Variants in PRKN observed in about 807,000 individuals in gnomAD.
PRKN encodes parkin RBR E3 ubiquitin protein ligase.
Under a neutral mutation model 59.5 loss-of-function variants are expected in PRKN, and 56 were observed. The ratio of observed to expected loss-of-function variants is 0.94; its 90% CI spans 0.76 to 1.18. The LOEUF is 1.18. PRKN is among the 50% of genes most tolerant of loss of function. The pLI, the probability that PRKN is intolerant of heterozygous loss-of-function variation, is 0.00. For missense variants in PRKN, 657 were observed against 596.4 expected, an observed-to-expected ratio of 1.10 and a Z score of -1.06; for synonymous variants, 250 against 222.1, an observed-to-expected ratio of 1.13 and a Z score of -1.12.
intron 1 of PRKN, among the ~76,000 whole-genome samples, chr6:162,597,738 G>A (rs1295901144): frequency 1.3e-5 from 2 of 152,090 alleles, no homozygotes; most frequent in African/African-American, 2.4e-5. Flanking sequence ...TCAGTAATAT[G>A]TGGCAATGTT....
chr6:161,507,548 T>C (rs1016606172), intron 9 of PRKN, among the ~76,000 whole-genome samples: 2 of 152,134 alleles, frequency 1.3e-5, no homozygotes, highest in Non-Finnish European at 2.9e-5. Flanking sequence ...GTCAGGGAAG[T>C]TCCAGACAGC....
chr6:161,639,310 G>A (rs565886526), intron 7 of PRKN, among the ~76,000 whole-genome samples: 75 of 152,302 alleles, frequency 4.9e-4, no homozygotes, highest in Middle Eastern at 3.4e-3. Context: ...GACCATTGGG[G>A]ATCAGTCCAA....
intron 7 of PRKN, among the ~76,000 whole-genome samples, chr6:161,571,046 T>C (rs1209602215): frequency 6.6e-6 from 1 of 152,136 alleles, no homozygotes; most frequent in Non-Finnish European, 1.5e-5. Context: ...ACCCTCTTGC[T>C]TCAGCTTCCT....
intron 6 of PRKN, among the ~76,000 whole-genome samples, chr6:161,802,575 C>T (rs895214285): frequency 2.6e-5 from 4 of 152,268 alleles, no homozygotes; most frequent in East Asian, 1.9e-4. Flanking sequence ...CCAATGGTCA[C>T]GTGGCTCACA....
intron 1 of PRKN, among the ~76,000 whole-genome samples, chr6:162,546,695 C>T (rs913182804): frequency 2.0e-4 from 30 of 152,228 alleles, no homozygotes; most frequent in Admixed American, 3.9e-4. Flanking sequence ...CCACCCTCCT[C>T]GGCCTCCCAA....
chr6:161,897,920 T>C (rs1378170664), intron 6 of PRKN, among the ~76,000 whole-genome samples: 2 of 119,654 alleles, frequency 1.7e-5, no homozygotes, highest in East Asian at 2.6e-4. Flanking sequence ...TGAGCTGAGA[T>C]CGCGCCACTG....
chr6:161,886,810 T>G (rs9355367), intron 6 of PRKN, among the ~76,000 whole-genome samples: 1 of 151,300 alleles, frequency 6.6e-6, no homozygotes, highest in East Asian at 1.9e-4. Context: ...CTCTTTTGAG[T>G]TTTTCTTGTT....
chr6:161,776,318 T>C lies in PRKN; in HGVS notation c.871+9454A>G, dbSNP rs545420240. Among the ~76,000 whole-genome samples, 14 of 152,248 alleles carry C rather than the reference T, an allele frequency of 9.2e-5. No homozygotes were observed. The South Asian group carries it at 1.0e-3, about 11-fold the overall frequency. On this transcript the variant is annotated intron_variant, in intron 7 of 11. Transcript: ENST00000366898. Reference sequence around the variant, plus strand: ...ACTAGTAATAGCTGGCAGCAAACCTTTCAGGATAATTAAAAAGATTTTACC... The same window carrying C: ...ACTAGTAATAGCTGGCAGCAAACCTCTCAGGATAATTAAAAAGATTTTACC...
chr6:162,011,956 A>C (rs979364786), intron 5 of PRKN, among the ~76,000 whole-genome samples: 5 of 152,030 alleles, frequency 3.3e-5, no homozygotes, highest in Non-Finnish European at 7.4e-5. Context: ...ATATATTTAG[A>C]TAGCTAGCTA....
intron 5 of PRKN, among the ~76,000 whole-genome samples, chr6:161,985,726 G>A (rs1053054872): frequency 4.6e-5 from 7 of 152,126 alleles, no homozygotes; most frequent in East Asian, 1.9e-4. Flanking sequence ...CACACTGGCC[G>A]AGCAAGGCCT....
intron 2 of PRKN, among the ~76,000 whole-genome samples, chr6:162,281,061 A>C (rs1780881656): frequency 6.6e-6 from 1 of 152,152 alleles, no homozygotes; most frequent in African/African-American, 2.4e-5. Flanking sequence ...GCCATAAAAT[A>C]CAACTCAGCA....
intron 5 of PRKN, among the ~76,000 whole-genome samples, chr6:162,040,404 C>T (rs1184407394): frequency 2.0e-5 from 3 of 150,076 alleles, no homozygotes; most frequent in Admixed American, 6.6e-5. Context: ...AAATTAGAAC[C>T]ACTTTTTTTT....
intron 2 of PRKN, among the ~76,000 whole-genome samples, chr6:162,335,200 T>C (rs1188090918): frequency 2.6e-5 from 4 of 151,332 alleles, no homozygotes; most frequent in Non-Finnish European, 5.9e-5. Context: ...TTTTCTTTTT[T>C]TTTTTTAATT....
At position 161,576,731 on chromosome 6, in the gene PRKN, C is replaced by T. The variant is rs1456980618; in HGVS notation, c.872-7315G>A. ...AGCACTGTGTGGAAAAGAGAAAATA[C>T]AACAGTATAAAGGGCAGGGTTGGCT... On this transcript the variant is annotated intron_variant, in intron 7 of 11. Coordinates refer to ENST00000366898, the MANE Select transcript of PRKN (RefSeq NM_004562.3). The surrounding 1 kb of genome is among the most constrained non-coding windows in gnomAD (Gnocchi z 4.6). 6.6e-6 allele frequency among the ~76,000 whole-genome samples: 1 copy of T among 152,128 alleles called. No homozygotes were observed. The highest frequency in any genetic ancestry group is 1.9e-4 in the East Asian group (1 of 5,202).
chr6:162,629,670 C>G (rs1783029327), intron 1 of PRKN, among the ~76,000 whole-genome samples: 1 of 152,090 alleles, frequency 6.6e-6, no homozygotes, highest in Admixed American at 6.6e-5. Context: ...ATGCTGCAGT[C>G]AGGCATTAAA....
At chr6:162,245,275 C>G (rs1253867150) in intron 3 of PRKN, among the ~76,000 whole-genome samples, 1 of 152,002 alleles carries the variant, frequency 6.6e-6, no homozygotes, top group Non-Finnish European at 1.5e-5. Context: ...AGCAGACAAC[C>G]TCAAATATTA....
chr6:161,955,265 C>A (rs150045884), intron 6 of PRKN, among the ~76,000 whole-genome samples: 65 of 152,172 alleles, frequency 4.3e-4, no homozygotes, highest in African/African-American at 1.3e-3. Context: ...GGAGCACCAC[C>A]CTTCATTGGT....
intron 9 of PRKN, among the ~76,000 whole-genome samples, chr6:161,420,984 G>T (rs922816513): frequency 6.6e-6 from 1 of 152,060 alleles, no homozygotes; most frequent in Non-Finnish European, 1.5e-5. Context: ...CCTATTCCTT[G>T]CTAACCCCTA....
chr6:162,135,921 G>C (rs1034601449), intron 4 of PRKN, among the ~76,000 whole-genome samples: 3 of 151,916 alleles, frequency 2.0e-5, no homozygotes, highest in Middle Eastern at 3.4e-3. Context: ...CTACAAAAGC[G>C]CTCAAAATAC....
Sources: gnomAD v4.1 joint callset for allele counts (sites outside exome capture counted in the v4.1 genomes callset) on GRCh38, gnomAD v4.1.1 for gene constraint, Gnocchi (gnomAD v3.1) non-coding constraint, MANE v1.5 for transcripts, NCBI Gene and HGNC (gene_info 2026-07-23, HGNC 2026-07-21) for gene names.